The following ESRRG variants were observed in gnomAD, a reference collection of about 807,000 sequenced individuals.
ESRRG encodes the protein estrogen-related receptor gamma.
Under a neutral mutation model 44.0 loss-of-function variants are expected in ESRRG, and 13 were observed. That is an observed-to-expected ratio of 0.30 (90% CI 0.19 to 0.47). The LOEUF is 0.47. ESRRG is among the 20% of genes least tolerant of loss of function. ESRRG has a pLI of 1.00. For missense variants in ESRRG, 395 were observed against 580.6 expected, an observed-to-expected ratio of 0.68 and a Z score of 3.29; for synonymous variants, 215 against 214.6, an observed-to-expected ratio of 1.00 and a Z score of -0.02.
intron 2 of ESRRG, among the ~76,000 whole-genome samples, chr1:216,925,404 T>C (rs898786231): frequency 3.3e-5 from 5 of 152,012 alleles, no homozygotes; most frequent in African/African-American, 7.3e-5. Flanking sequence ...GCCACCACAC[T>C]CCAGCCTGGG....
intron 5 of ESRRG, among the ~76,000 whole-genome samples, chr1:216,528,097 C>T (rs755641943): frequency 2.0e-5 from 3 of 152,070 alleles, no homozygotes; most frequent in South Asian, 2.1e-4. Flanking sequence ...AAAGATGCGA[C>T]GTTAGGAATG....
chr1:216,616,993 G>A (rs1217346331), intron 3 of ESRRG, among the ~76,000 whole-genome samples: 1 of 152,144 alleles, frequency 6.6e-6, no homozygotes, highest in Non-Finnish European at 1.5e-5. Flanking sequence ...CTCAGTGTAT[G>A]TAGAGATCTT....
chr1:217,136,366 T>C (rs984469864), intron 1 of ESRRG, among the ~76,000 whole-genome samples: 1 of 152,196 alleles, frequency 6.6e-6, no homozygotes, highest in African/African-American at 2.4e-5. Flanking sequence ...GTTCCTGCAG[T>C]GCAGATTTCC....
At chr1:217,128,594 A>T (rs532655130) in intron 1 of ESRRG, among the ~76,000 whole-genome samples, 106 of 151,786 alleles carry the variant, frequency 7.0e-4, no homozygotes, top group Middle Eastern at 3.4e-3. Context: ...ATGATAATTT[A>T]AAAAAAAATA....
chr1:216,931,850 A>AAAAC (rs1403552484), intron 2 of ESRRG, among the ~76,000 whole-genome samples: 1 of 146,986 alleles, frequency 6.8e-6, no homozygotes, highest in African/African-American at 2.5e-5. Flanking sequence ...AAAAAAAAAA[A>AAAAC]CACAAAATAA....
chr1:216,878,438 C>T (rs966930957), intron 2 of ESRRG, among the ~76,000 whole-genome samples: 1 of 152,014 alleles, frequency 6.6e-6, no homozygotes, highest in Non-Finnish European at 1.5e-5. Context: ...TTAATGTCTG[C>T]CTTAATTTAT....
At chr1:217,093,079 TCTG>T (rs1429922529), upstream of ESRRG, among the ~76,000 whole-genome samples, 1 of 152,208 alleles carries the variant, frequency 6.6e-6, no homozygotes, top group East Asian at 1.9e-4. Context: ...TGAGTCTTTC[TCTG>T]CTATATTTTG....
chr1:217,003,322 C>T lies in ESRRG; in HGVS notation c.-105-63649G>A, dbSNP rs2077290657. 2.0e-5 allele frequency among the ~76,000 whole-genome samples: 3 copies of T among 152,012 alleles called. No individual in the cohort carries two copies. The South Asian group carries it at 6.2e-4, about 32-fold the overall frequency. ...ACTTAAACTAATCAAGTCTCAGTTT[C>T]TCAACCTATAAAACAGGGAAAATAA... On this transcript the variant is annotated intron_variant, in intron 1 of 7. Transcript: ENST00000359162.
At chr1:216,671,048 G>C (rs1483835684) in intron 2 of ESRRG, among the ~76,000 whole-genome samples, 1 of 152,128 alleles carries the variant, frequency 6.6e-6, no homozygotes, top group East Asian at 1.9e-4. Context: ...GGTGCTTGCT[G>C]TACTCTTGTC....
chr1:216,522,221 A>G (rs2046305304), intron 5 of ESRRG, among the ~76,000 whole-genome samples: 1 of 150,730 alleles, frequency 6.6e-6, no homozygotes, highest in African/African-American at 2.4e-5. Context: ...TCTATGAAAT[A>G]AAGAGAAGGA....
At chr1:217,025,296 G>T (rs955935701) in intron 1 of ESRRG, among the ~76,000 whole-genome samples, 6 of 151,798 alleles carry the variant, frequency 4.0e-5, no homozygotes, top group Non-Finnish European at 5.9e-5. Context: ...AAAAATAAAC[G>T]CTTAGTAGGG....
chr1:217,091,870 T>C (rs1286232525), upstream of ESRRG, among the ~76,000 whole-genome samples: 1 of 152,196 alleles, frequency 6.6e-6, no homozygotes, highest in East Asian at 1.9e-4. Context: ...TCCAGCTTTT[T>C]TACTTATTAA....
At chr1:216,857,948 C>G (rs925718547) in intron 2 of ESRRG, among the ~76,000 whole-genome samples, 2 of 152,134 alleles carry the variant, frequency 1.3e-5, no homozygotes, top group African/African-American at 4.8e-5. Context: ...GTCAGAAAGT[C>G]TGAGTTGCAA....
rs2059261887 is a variant in ESRRG at position 216,564,090 on chromosome 1, G to A, written c.862+129C>T. The A allele has an allele frequency of 4.0e-6, 2 of 500,548 alleles. 1 individual carries two copies. Among genetic ancestry groups the A allele is most frequent in the South Asian group, 8.8e-5 (2 of 22,666 alleles). 31.0% of individuals were successfully genotyped at this position (500,548 alleles called of 1,614,324 possible). Reference sequence around the variant, plus strand: ...TAGGATATGCAAAACTCTAAATTATGATTAAAAATAAATGTAAAGGGTTTT... The same window carrying A: ...TAGGATATGCAAAACTCTAAATTATAATTAAAAATAAATGTAAAGGGTTTT... On this transcript the variant is annotated intron_variant, in intron 5 of 6. Transcript: ENST00000408911.
At chr1:216,603,945 C>CAAAAAAAAAAAAAAAAA (rs144012100) in intron 3 of ESRRG, among the ~76,000 whole-genome samples, 10 of 127,308 alleles carry the variant, frequency 7.9e-5, no homozygotes, top group East Asian at 4.7e-4. Context: ...AACAAAAAAA[C>CAAAAAAAAAAAAAAAAA]AAAAAAAAAA....
chr1:216,634,716 T>C (rs1306248936), intron 3 of ESRRG, among the ~76,000 whole-genome samples: 1 of 152,016 alleles, frequency 6.6e-6, no homozygotes, highest in Non-Finnish European at 1.5e-5. Flanking sequence ...ATGCAACTGG[T>C]GAAGGGACAG....
At chr1:216,902,093 A>C (rs187665333) in intron 2 of ESRRG, among the ~76,000 whole-genome samples, 16 of 152,314 alleles carry the variant, frequency 1.1e-4, no homozygotes, top group South Asian at 2.1e-4. Flanking sequence ...GATCTTCTCA[A>C]GACATCTCTC....
intron 2 of ESRRG, among the ~76,000 whole-genome samples, chr1:216,856,639 T>C (rs1194608611): frequency 1.2e-4 from 19 of 152,200 alleles, no homozygotes; most frequent in Admixed American, 1.0e-3. Context: ...TCAAAATCCC[T>C]TTATAAGATT....
intron 1 of ESRRG, among the ~76,000 whole-genome samples, chr1:217,018,059 C>T (rs2789552): frequency 6.6e-6 from 1 of 152,022 alleles, no homozygotes; most frequent in Non-Finnish European, 1.5e-5. Flanking sequence ...TCTGGATTTC[C>T]GAATTATGGA....
Sources: allele counts gnomAD v4.1 joint callset (sites outside exome capture counted in the v4.1 genomes callset), GRCh38; gene constraint gnomAD v4.1.1; transcripts MANE v1.5; gene names NCBI Gene and HGNC (gene_info 2026-07-23, HGNC 2026-07-21).